TUBGCP6: variants seen among roughly 807,000 people sequenced by gnomAD.
TUBGCP6 encodes gamma-tubulin complex component 6.
Under a neutral mutation model 175.8 loss-of-function variants are expected in TUBGCP6, and 161 were observed. That is an observed-to-expected ratio of 0.92 (90% CI 0.81 to 1.04). The LOEUF (loss-of-function observed/expected upper bound fraction) is 1.04, where lower values mean the gene tolerates loss of function less well. Among genes scored for constraint, TUBGCP6 ranks in the 50% least tolerant of loss-of-function variants. TUBGCP6 has a pLI of 0.00. For synonymous variants in TUBGCP6, 1,173 were observed against 1,030.5 expected (o/e 1.14, Z -2.65); for missense variants, 2,572 against 2,433.0 (o/e 1.06, Z -1.20).
Position 50,220,443 on chromosome 22 carries a change from GC to G in TUBGCP6, c.3915del (p.Leu1306SerfsTer18). The G allele has an allele frequency of 3.7e-6, 6 of 1,612,302 alleles. No homozygotes were observed. Among genetic ancestry groups the G allele is most frequent in the Non-Finnish European group, 5.1e-6 (6 of 1,179,680 alleles). ...ACAGTGCTCTGTGCTCCCAGGCTGA[GC>G]GCTGACTGGGACGTGTGGCCAGGGG... is the stretch of plus-strand genomic sequence containing the variant. ...QSPPGHTSQS[A>X]LSLGAQSTVL... On this transcript the variant is annotated frameshift_variant, in exon 16 of 25. Transcript: ENST00000248846. LOFTEE classifies it high-confidence loss of function.
In TUBGCP6 at chr22:50,218,114, G is replaced by T. The variant is rs752018254; in HGVS notation, c.5172C>A (p.Gly1724=). 1.2e-6 allele frequency: 2 copies of T among 1,612,130 alleles called. No homozygotes were observed. Among genetic ancestry groups the T allele is most frequent in the Admixed American group, 3.3e-5 (2 of 60,000 alleles). Residue 1724 remains glycine, a synonymous_variant, in exon 24 of 25, where the codon GGC becomes GGA. Transcript: ENST00000248846. The stretch of plus-strand genomic sequence containing the variant: ...CGGGCGCCGCCTTCTCCGTGAGCAG[G>T]CCCCTGGGGGGAAGCAGTGCTGCTG... ...AEYLHKAVFR[G]LLTEKAAPVM... is the part of the protein sequence containing the mutation.
At chr22:50,231,008 G>T (rs1310058464) in intron 3 of TUBGCP6, among the ~76,000 whole-genome samples, 1 of 148,686 alleles carries the variant, frequency 6.7e-6, no homozygotes, top group African/African-American at 2.5e-5. Context: ...CTTAAACCCA[G>T]GAGGAAGAGG....
rs1251985056 is a variant in TUBGCP6 at position 50,221,726 on chromosome 22, C to G, written c.2633G>C (p.Gly878Ala). 1.3e-6 allele frequency: 2 copies of G among 1,515,936 alleles called. No homozygotes were observed. Among genetic ancestry groups the G allele is most frequent in the East Asian group, 2.3e-5 (1 of 44,014 alleles). 93.9% of individuals were successfully genotyped at this position (1,515,936 alleles called of 1,614,324 possible). A position where few individuals can be genotyped will look rare whatever the true frequency, so the allele number is the denominator to read the frequency against. The part of the protein sequence containing the change: ...PLKPLAVGAG[G>A]RGLQQAEGAR... ...CCCCTCCGCCTGCTGCAGCCCCCTG[C>G]CACCAGCCCCCACTGCTAGAGGCTT... The change falls in exon 16 of 25, where the codon GGC becomes GCC. Residue 878 changes from glycine (G) to alanine (A), a missense_variant. By Grantham distance (60) the Gly-to-Ala change is moderately conservative (BLOSUM62 0). Coordinates refer to ENST00000248846, the MANE Select transcript of TUBGCP6 (RefSeq NM_020461.4).
In TUBGCP6 at chr22:50,219,756, A is replaced by G. The variant is rs778696563; in HGVS notation, c.4203T>C (p.Gly1401=). ...CCGCCGCCGATGCCTCCGCCTCCTC[A>G]CCACGGCCTGGGCTGCTCTGGGCAG... ...DTAAQSSPGR[G]EEAEASAAEA... is the part of the protein sequence containing the mutation. The change falls in exon 18 of 25, where the codon GGT becomes GGC. Residue 1401 remains glycine (G), a synonymous_variant. Transcript: ENST00000248846. 2 of 1,613,608 alleles carry G rather than the reference A, an allele frequency of 1.2e-6. No homozygotes were observed.
chr22:50,241,244 G>A (rs2064835255), intron 1 of TUBGCP6, among the ~76,000 whole-genome samples: 1 of 151,888 alleles, frequency 6.6e-6, no homozygotes, highest in Admixed American at 6.6e-5. Flanking sequence ...CAGAAGACAA[G>A]AGTGTGAGCC....
rs375913178 is a variant in TUBGCP6, at chr22:50,225,926, G to A, written c.1851C>T (p.Ser617=). 2.9e-5 allele frequency: 47 copies of A among 1,613,390 alleles called. No homozygotes were observed. The highest frequency in any genetic ancestry group is 2.2e-4 in the Admixed American group (13 of 59,960). The change falls in exon 10 of 25, where the codon TCC becomes TCT. Residue 617 remains serine (S), a synonymous_variant. Coordinates refer to ENST00000248846, the MANE Select transcript of TUBGCP6 (RefSeq NM_020461.4). ...CCGAGATCCGGGGGACAGGGACGTC[G>A]GACCAACAGAGGTAATGCTGCCAAA... The part of the protein sequence containing the change: ...LCCPRHYLCW[S]DVPVPRISVI...
rs1213910928 is a variant in TUBGCP6, at chr22:50,219,758, C to A, written c.4201G>T (p.Gly1401Cys). The change falls in exon 18 of 25, where the codon GGT becomes TGT. Residue 1401 changes from glycine (G) to cysteine (C), a missense_variant. Transcript: ENST00000248846. ...DTAAQSSPGRGEEAEASAAEA... is the reference protein window; with the variant it reads ...DTAAQSSPGRCEEAEASAAEA... ...GCCGCCGATGCCTCCGCCTCCTCAC[C>A]ACGGCCTGGGCTGCTCTGGGCAGCT... is the stretch of plus-strand genomic sequence containing the variant. 2.5e-6 allele frequency: 4 copies of A among 1,613,698 alleles called. No homozygotes were observed. Among genetic ancestry groups the A allele is most frequent in the Non-Finnish European group, 3.4e-6 (4 of 1,180,024 alleles).
rs769725405 is a variant in TUBGCP6 at position 50,218,707 on chromosome 22, T to C, written c.4817A>G (p.Tyr1606Cys). The change falls in exon 21 of 25, where the codon TAC becomes TGC. Residue 1606 changes from tyrosine to cysteine, a missense_variant. Tyr to Cys is a radical substitution (Grantham distance 194, BLOSUM62 -2). Transcript: ENST00000248846. ...GCGGCCAGGGCTGCTGCTGACCTTG[T>C]ACCTGAGCTCCAGGCAGCTCAGCAC... ...PDVLSCLELR[Y>C]KVDWPLNIVI... 2 of 1,613,734 alleles carry C rather than the reference T, an allele frequency of 1.2e-6. No individual in the cohort carries two copies. The highest frequency in any genetic ancestry group is 1.7e-6 in the Non-Finnish European group (2 of 1,179,866).
In TUBGCP6 at chr22:50,219,316, G is replaced by A. The variant is rs763694637; in HGVS notation, c.4456C>T (p.Arg1486Cys). The A allele has an allele frequency of 2.5e-6, 4 of 1,602,954 alleles. No homozygotes were observed. The highest frequency in any genetic ancestry group is 1.1e-5 in the South Asian group (1 of 89,320). Residue 1486 changes from arginine (R) to cysteine (C), a missense_variant, in exon 19 of 25, where the codon CGC (arginine) becomes TGC (cysteine). Arg to Cys is a radical substitution (Grantham distance 180). Transcript: ENST00000248846. ...ELLTLPVLMK[R>C]SITAPLAAHI... Reference sequence around the variant, plus strand: ...GCGGCCAGCGGTGCCGTGATGGAGCGCTTCATGAGCACGGGCAGCGTCAGC... The same window carrying A: ...GCGGCCAGCGGTGCCGTGATGGAGCACTTCATGAGCACGGGCAGCGTCAGC...
intron 14 of TUBGCP6, 58 bp downstream of exon 14, chr22:50,222,396 G>A: frequency 1.2e-6 from 2 of 1,605,446 alleles, no homozygotes; most frequent in Non-Finnish European, 1.7e-6. Context: ...CAGTCTCAGG[G>A]GGTTTCCAGA....
intron 2 of TUBGCP6, among the ~76,000 whole-genome samples, chr22:50,234,949 T>C (rs1442631150): frequency 6.2e-3 from 383 of 62,020 alleles, no homozygotes; most frequent in East Asian, 8.3e-3. Context: ...TCGCCCACAC[T>C]CCCGTCCATG....
At chr22:50,241,636 A>T (rs1272104770) in intron 1 of TUBGCP6, among the ~76,000 whole-genome samples, 2 of 152,214 alleles carry the variant, frequency 1.3e-5, no homozygotes, top group African/African-American at 4.8e-5. Context: ...AGTCTCTGAA[A>T]TGCAGAAATA....
At chr22:50,235,790 A>G (rs1367627515) in intron 2 of TUBGCP6, among the ~76,000 whole-genome samples, 1 of 152,092 alleles carries the variant, frequency 6.6e-6, no homozygotes, top group Non-Finnish European at 1.5e-5. Flanking sequence ...AAACACAAAA[A>G]TTAGCTGGGC....
At chr22:50,235,331 T>C (rs1383476966) in intron 2 of TUBGCP6, among the ~76,000 whole-genome samples, 1 of 152,220 alleles carries the variant, frequency 6.6e-6, no homozygotes, top group Non-Finnish European at 1.5e-5. Context: ...CACAGCAGCA[T>C]CCACACCCCC....
chr22:50,238,464 C>CA (rs113224574), intron 2 of TUBGCP6, among the ~76,000 whole-genome samples: 9,356 of 135,208 alleles, frequency 0.069, 788 homozygotes, highest in African/African-American at 0.2. Flanking sequence ...TAAATAAATA[C>CA]AAAAAAAAAA....
Position 50,223,937 on chromosome 22 carries a change from A to G in TUBGCP6, c.2270+204T>C, listed in dbSNP as rs534759966. ...TGGACCCTAATCCATACAAACCACC[A>G]CAAGACAACGCGCAGAACAGCTAAG... On this transcript the variant is annotated intron_variant, in intron 13 of 24. Transcript: ENST00000248846. The G allele has an allele frequency of 1.2e-3, 719 of 588,216 alleles. 13 individuals are homozygous for G. In the South Asian group the frequency reaches 0.014, roughly 11 times the overall value. The allele number at this position is 588,216 out of a possible 1,614,324, so 36.4% of individuals were successfully genotyped here. A position where few individuals can be genotyped will look rare whatever the true frequency, so the allele number is the denominator to read the frequency against.
chr22:50,238,728 G>A (rs529712548), intron 2 of TUBGCP6, among the ~76,000 whole-genome samples: 3 of 152,008 alleles, frequency 2.0e-5, no homozygotes, highest in South Asian at 2.1e-4. Flanking sequence ...TAGTAGAGAC[G>A]GGGTTTCACT....
Position 50,218,536 on chromosome 22 carries a change from G to A in TUBGCP6, c.4906C>T (p.Leu1636Phe). The part of the protein sequence containing the change: ...GVFSFLLQLK[L>F]MMWALKDVCF... The stretch of plus-strand genomic sequence containing the variant: ...ACGTCCTTGAGCGCCCACATCATGA[G>A]CTTCAGCTGCAGCAGGAAGGAGAAG... Residue 1636 changes from leucine to phenylalanine, a missense_variant, in exon 22 of 25, where the codon CTC (leucine) becomes TTC (phenylalanine). By Grantham distance (22) the Leu-to-Phe change is conservative (BLOSUM62 0). Transcript: ENST00000248846. The A allele has an allele frequency of 6.2e-7, 1 of 1,613,806 alleles. No individual in the cohort carries two copies. Among genetic ancestry groups the A allele is most frequent in the Non-Finnish European group, 8.5e-7 (1 of 1,179,992 alleles).
At chr22:50,236,066 G>C (rs896634674) in intron 2 of TUBGCP6, among the ~76,000 whole-genome samples, 35 of 152,062 alleles carry the variant, frequency 2.3e-4, no homozygotes, top group African/African-American at 8.5e-4. Flanking sequence ...GGTTAAGACG[G>C]TAAAAACATT....
Sources: gnomAD v4.1 joint callset for allele counts (sites outside exome capture counted in the v4.1 genomes callset) on GRCh38, gnomAD v4.1.1 for gene constraint, MANE v1.5 for transcripts, NCBI Gene and HGNC (gene_info 2026-07-23, HGNC 2026-07-21) for gene names.